Variants in ZNF804B observed in about 807,000 individuals in gnomAD.
ZNF804B encodes zinc finger 804B.
Under a neutral mutation model 101.4 loss-of-function variants are expected in ZNF804B, and 80 were observed. The observed-to-expected ratio is 0.79, with a 90% CI of 0.66 to 0.95. The LOEUF (loss-of-function observed/expected upper bound fraction) is 0.95, where lower values mean the gene tolerates loss of function less well. ZNF804B is among the 40% of genes least tolerant of loss of function. The probability of loss-of-function intolerance (pLI) is 0.00; values close to 1 mark genes in which losing one functional copy is unlikely to be tolerated. For synonymous variants in ZNF804B, 622 were observed against 558.8 expected (o/e 1.11, Z -1.59); for missense variants, 1,673 against 1,561.9 (o/e 1.07, Z -1.20).
chr7:89,208,910 G>A (rs1021112981), intron 1 of ZNF804B, among the ~76,000 whole-genome samples: 1 of 152,064 alleles, frequency 6.6e-6, no homozygotes, highest in African/African-American at 2.4e-5. Context: ...TATTCGGGAG[G>A]CTGAGGCAGG....
intron 1 of ZNF804B, among the ~76,000 whole-genome samples, chr7:88,999,689 AGC>A (rs1321829503): frequency 1.4e-4 from 21 of 152,172 alleles, no homozygotes; most frequent in African/African-American, 4.3e-4. Context: ...TTAATGAGCC[AGC>A]ATGTAAAAAT....
At chr7:89,196,382 G>T (rs1788552380) in intron 1 of ZNF804B, among the ~76,000 whole-genome samples, 1 of 152,040 alleles carries the variant, frequency 6.6e-6, no homozygotes, top group South Asian at 2.1e-4. Context: ...ATAGGGAAAG[G>T]ACTCCTATTT....
chr7:89,018,095 T>C (rs968535144), intron 1 of ZNF804B, among the ~76,000 whole-genome samples: 12 of 152,118 alleles, frequency 7.9e-5, no homozygotes, highest in African/African-American at 4.8e-5. Context: ...GCATGTTCGA[T>C]ATATTAGAGG....
chr7:88,969,669 T>C (rs1421651877), intron 1 of ZNF804B, among the ~76,000 whole-genome samples: 2 of 151,618 alleles, frequency 1.3e-5, no homozygotes, highest in African/African-American at 2.4e-5. Context: ...AAACAACCAA[T>C]AAATTTTCAC....
intron 1 of ZNF804B, among the ~76,000 whole-genome samples, chr7:88,832,229 A>G (rs1212995902): frequency 1.3e-5 from 2 of 151,944 alleles, no homozygotes; most frequent in African/African-American, 4.8e-5. Context: ...ACAAACAATT[A>G]TCATAATCAT....
intron 2 of ZNF804B, among the ~76,000 whole-genome samples, chr7:89,223,649 A>G (rs1363275682): frequency 8.2e-6 from 1 of 122,260 alleles, no homozygotes; most frequent in Non-Finnish European, 1.8e-5. Context: ...GCCTCATGGC[A>G]CTCCACTATG....
At chr7:89,203,340 C>T (rs1046643447) in intron 1 of ZNF804B, among the ~76,000 whole-genome samples, 3 of 152,154 alleles carry the variant, frequency 2.0e-5, no homozygotes, top group African/African-American at 7.2e-5. Flanking sequence ...TACAGAACTT[C>T]TTTTTGAGGT....
In ZNF804B at chr7:89,334,311, T is replaced by C. The variant is rs1791037431; in HGVS notation, c.1329T>C (p.Phe443=). The change falls in exon 4 of 4, where the codon TTT becomes TTC. Residue 443 remains phenylalanine, a synonymous_variant. Transcript: ENST00000333190. ...ATGTGGCATCTAAACCACTACCTTT[T>C]CTCCACGTTCAAAGCAAGGATGGCC... The part of the protein sequence containing the change: ...THNVASKPLP[F]LHVQSKDGHT... The C allele has an allele frequency of 2.5e-6, 4 of 1,613,724 alleles. No homozygotes were observed. The highest frequency in any genetic ancestry group is 3.4e-6 in the Non-Finnish European group (4 of 1,179,850).
chr7:89,149,970 G>A (rs982331044), intron 1 of ZNF804B, among the ~76,000 whole-genome samples: 4 of 152,012 alleles, frequency 2.6e-5, no homozygotes, highest in African/African-American at 9.7e-5. Flanking sequence ...AATTTTGAAT[G>A]CAGTAGTCTA....
chr7:89,313,212 A>G (rs1269994508), intron 2 of ZNF804B, among the ~76,000 whole-genome samples: 1 of 152,014 alleles, frequency 6.6e-6, no homozygotes, highest in East Asian at 1.9e-4. Context: ...GGTGTGGATC[A>G]AGTCACTTAA....
intron 1 of ZNF804B, among the ~76,000 whole-genome samples, chr7:89,164,397 A>T (rs1205267310): frequency 6.6e-6 from 1 of 152,072 alleles, no homozygotes; most frequent in African/African-American, 2.4e-5. Context: ...CTGGGGGGAA[A>T]GTCAGTAAAT....
chr7:89,117,657 T>C lies in ZNF804B; in HGVS notation c.109-100498T>C, dbSNP rs181340057. Among the ~76,000 whole-genome samples the C allele has an allele frequency of 2.9e-3, 441 of 152,344 alleles. 9 individuals are homozygous for C. Among genetic ancestry groups the C allele is most frequent in the Admixed American group, 0.025 (388 of 15,298 alleles). On this transcript the variant is annotated intron_variant, in intron 1 of 3. Coordinates refer to ENST00000333190, the MANE Select transcript of ZNF804B (RefSeq NM_181646.5). Reference sequence around the variant, plus strand: ...CTTTTTAGCCATAATGTTGATGCTATATTGACTAAATTGTAATTATATTAT... The same window carrying C: ...CTTTTTAGCCATAATGTTGATGCTACATTGACTAAATTGTAATTATATTAT...
chr7:89,234,046 G>A (rs1789242253), intron 2 of ZNF804B, among the ~76,000 whole-genome samples: 2 of 152,214 alleles, frequency 1.3e-5, no homozygotes, highest in East Asian at 3.9e-4. Context: ...TTGCAAAAGG[G>A]AGCTAATTCT....
intron 1 of ZNF804B, among the ~76,000 whole-genome samples, chr7:89,159,195 T>A (rs2116417403): frequency 6.6e-6 from 1 of 152,224 alleles, no homozygotes. Context: ...GATGAACTAA[T>A]TAGTTATTTA....
At chr7:89,229,019 G>C (rs1214659678) in intron 2 of ZNF804B, among the ~76,000 whole-genome samples, 7 of 151,566 alleles carry the variant, frequency 4.6e-5, no homozygotes, top group Admixed American at 3.3e-4. Flanking sequence ...CGGCTGCTCC[G>C]AGTGTGGGGC....
intron 1 of ZNF804B, among the ~76,000 whole-genome samples, chr7:88,778,251 T>G (rs904123311): frequency 2.6e-5 from 4 of 152,212 alleles, no homozygotes; most frequent in African/African-American, 9.7e-5. Context: ...AGAAACTTCC[T>G]CTCATGCTGC....
At chr7:88,915,360 C>G (rs1368526257) in intron 1 of ZNF804B, among the ~76,000 whole-genome samples, 1 of 151,970 alleles carries the variant, frequency 6.6e-6, no homozygotes. Flanking sequence ...CATATTAAAA[C>G]TATACGGGGT....
chr7:89,289,133 T>C (rs1330977694), intron 2 of ZNF804B, among the ~76,000 whole-genome samples: 9 of 143,610 alleles, frequency 6.3e-5, no homozygotes, highest in Non-Finnish European at 1.4e-4. Context: ...ATAAAATGAT[T>C]TGGTTAATCT....
At chr7:89,269,122 G>T (rs1269470345) in intron 2 of ZNF804B, among the ~76,000 whole-genome samples, 2 of 151,990 alleles carry the variant, frequency 1.3e-5, no homozygotes, top group East Asian at 3.9e-4. Context: ...ATGCAGGTTT[G>T]TTATATATGT....
Sources: gnomAD v4.1 joint callset for allele counts (sites outside exome capture counted in the v4.1 genomes callset) on GRCh38, gnomAD v4.1.1 for gene constraint, MANE v1.5 for transcripts, NCBI Gene and HGNC (gene_info 2026-07-23, HGNC 2026-07-21) for gene names.